Variants in IGF2R observed in about 807,000 individuals in gnomAD.
IGF2R encodes the protein insulin like growth factor 2 receptor.
IGF2R carries 91 observed loss-of-function variants against 270.6 expected under a neutral mutation model. The observed-to-expected ratio is 0.34, with a 90% CI of 0.28 to 0.40. The LOEUF (loss-of-function observed/expected upper bound fraction) is 0.40, where lower values mean the gene tolerates loss of function less well. IGF2R is among the 10% of genes least tolerant of loss of function. IGF2R has a pLI of 1.00. For synonymous variants in IGF2R, 1,316 were observed against 1,258.9 expected (o/e 1.05, Z -0.96); for missense variants, 2,805 against 3,188.3 (o/e 0.88, Z 2.90).
intron 1 of IGF2R, among the ~76,000 whole-genome samples, chr6:159,990,583 A>G (rs1344774725): frequency 6.6e-6 from 1 of 152,196 alleles, no homozygotes; most frequent in Non-Finnish European, 1.5e-5. Context: ...AGAACAGACT[A>G]ATACACTGAT....
At chr6:160,019,526 C>G (rs1391590086) in intron 4 of IGF2R, among the ~76,000 whole-genome samples, 1 of 152,058 alleles carries the variant, frequency 6.6e-6, no homozygotes, top group African/African-American at 2.4e-5. Flanking sequence ...AGAAAGAAAA[C>G]TAGAGGCCAA....
At chr6:160,064,775 T>G in intron 28 of IGF2R, 29 bp from the exon 29 acceptor site, 1 of 1,468,424 alleles carries the variant, frequency 6.8e-7, no homozygotes, top group Non-Finnish European at 9.5e-7. Context: ...CATTCTCACT[T>G]TTATATATGT....
At chr6:160,046,934 G>A (rs1274999008) in intron 15 of IGF2R, among the ~76,000 whole-genome samples, 2 of 152,198 alleles carry the variant, frequency 1.3e-5, no homozygotes, top group African/African-American at 4.8e-5. Flanking sequence ...CTGCGTAACT[G>A]CAGTTCAAAT....
rs200476713 is a variant in IGF2R at position 160,102,600 on chromosome 6, G to A, written c.6924G>A (p.Ala2308=). 12 of 1,613,714 alleles carry A rather than the reference G, an allele frequency of 7.4e-6. No individual in the cohort carries two copies. Among genetic ancestry groups the A allele is most frequent in the East Asian group, 4.5e-5 (2 of 44,868 alleles). ...CAGAACGGAGCCAGGCAGTCGGCGC[G>A]GTGCTCAGCCTGCTGCTGGTGGCGC... ...GLSERSQAVG[A]VLSLLLVALT... The change falls in exon 46 of 48, where the codon GCG becomes GCA. Residue 2308 remains alanine, a synonymous_variant. Transcript: ENST00000356956. The surrounding 1 kb of genome is among the most constrained non-coding windows in gnomAD (Gnocchi z 4.5).
intron 2 of IGF2R, among the ~76,000 whole-genome samples, chr6:160,008,274 G>T (rs572587213): frequency 5.9e-5 from 9 of 152,156 alleles, no homozygotes; most frequent in Admixed American, 2.0e-4. Context: ...TTCCAGTTCC[G>T]TTTTTATTTC....
intron 42 of IGF2R, among the ~76,000 whole-genome samples, chr6:160,088,638 C>G (rs1779147196): frequency 6.6e-6 from 1 of 152,160 alleles, no homozygotes; most frequent in Non-Finnish European, 1.5e-5. Flanking sequence ...GAACTGATTC[C>G]TTCCAGACGC....
chr6:160,009,405 G>GT (rs1322749750), intron 3 of IGF2R, among the ~76,000 whole-genome samples: 1 of 152,106 alleles, frequency 6.6e-6, no homozygotes, highest in Non-Finnish European at 1.5e-5. Context: ...ACTGTTTAAT[G>GT]TTTAAGTTAT....
chr6:160,079,969 G>A (rs1778942313), intron 38 of IGF2R, among the ~76,000 whole-genome samples, 160 bp from the exon 39 acceptor site: 1 of 152,212 alleles, frequency 6.6e-6, no homozygotes, highest in Admixed American at 6.5e-5. Flanking sequence ...GAATCACGCT[G>A]TGTTCTCTCA....
In IGF2R at chr6:160,109,624, A is replaced by G. The variant is rs1779703529; in HGVS notation, c.*4540A>G. On this transcript the variant is annotated 3_prime_UTR_variant, in exon 48 of 48. Coordinates refer to ENST00000356956, the MANE Select transcript of IGF2R (RefSeq NM_000876.4). ...CTGTTTCGGTGTTGACAGCTGTCAC[A>G]ATGATGCCCTTTTCAGTAGAGGAGC... 1 of 152,142 alleles carries G rather than the reference A, an allele frequency of 6.6e-6. No homozygotes were observed. The highest frequency in any genetic ancestry group is 2.4e-5 in the African/African-American group (1 of 41,436). 9.4% of individuals were successfully genotyped at this position (152,142 alleles called of 1,614,324 possible).
intron 23 of IGF2R, 50 bp downstream of exon 23, chr6:160,060,767 T>C (rs1489413060): frequency 1.3e-6 from 2 of 1,569,620 alleles, no homozygotes. Flanking sequence ...AGTCAGTGTG[T>C]GTGTGAGTGG....
chr6:160,010,916 A>G, intron 4 of IGF2R, 131 bp downstream of exon 4: 1 of 583,684 alleles, frequency 1.7e-6, no homozygotes, highest in South Asian at 2.4e-5. Flanking sequence ...CAGAGATACC[A>G]TGTGATTTAA....
rs781763134 is a variant in IGF2R, at chr6:160,071,928, A to C, written c.4462A>C (p.Ile1488Leu). The C allele has an allele frequency of 2.5e-6, 4 of 1,614,056 alleles. No individual in the cohort carries two copies. The African/African-American group carries it at 5.3e-5, about 22-fold the overall frequency. ...GTTGTAGAACTCCAGGCCCATGTTC[A>C]TCAGCGCCGTGGAGGACTGTGAGTA... Reference protein sequence around the residue: ...ESQVNSRPMFISAVEDCEYTF... With the variant: ...ESQVNSRPMFLSAVEDCEYTF... The change falls in exon 32 of 48, where the codon ATC becomes CTC. Residue 1488 changes from isoleucine (I) to leucine (L), a missense_variant. Around this residue, in one of 2 missense-constraint regions of IGF2R, gnomAD observed 1,851 missense variants for 2,207.2 expected, o/e 0.84. Transcript: ENST00000356956.
At chr6:160,059,646 T>C (rs1307442190) in intron 22 of IGF2R, among the ~76,000 whole-genome samples, 1 of 152,240 alleles carries the variant, frequency 6.6e-6, no homozygotes, top group Non-Finnish European at 1.5e-5. Context: ...TCGGAGGCTC[T>C]GCACTGTACC....
intron 2 of IGF2R, among the ~76,000 whole-genome samples, chr6:160,008,041 C>T (rs1304134640): frequency 2.0e-5 from 3 of 152,150 alleles, no homozygotes; most frequent in Non-Finnish European, 4.4e-5. Context: ...CTAAAATACA[C>T]TAATACTCAT....
chr6:160,049,284 C>T (rs573514952), intron 18 of IGF2R, among the ~76,000 whole-genome samples: 1 of 152,312 alleles, frequency 6.6e-6, no homozygotes, highest in Admixed American at 6.5e-5. Flanking sequence ...GATTCTGCAT[C>T]TGTGAACTTG....
chr6:160,040,659 A>T lies in IGF2R; in HGVS notation c.1415A>T (p.Asp472Val), dbSNP rs780042411. Reference protein sequence around the residue: ...TEYACVKEKEDLLCGATDGKK... With the variant: ...TEYACVKEKEVLLCGATDGKK... Reference sequence around the variant, plus strand: ...TACGCCTGTGTTAAGGAGAAGGAAGACCTCCTCTGCGGTGCCACCGACGGG... The same window carrying T: ...TACGCCTGTGTTAAGGAGAAGGAAGTCCTCCTCTGCGGTGCCACCGACGGG... The change falls in exon 11 of 48, where the codon GAC (aspartate) becomes GTC (valine). Residue 472 changes from aspartate to valine, a missense_variant. This residue lies in a region of IGF2R where 954 missense variants were observed against 981.1 expected (regional missense o/e 0.97). Coordinates refer to ENST00000356956, the MANE Select transcript of IGF2R (RefSeq NM_000876.4). 6.2e-7 allele frequency: 1 copy of T among 1,613,374 alleles called. No homozygotes were observed. Among genetic ancestry groups the T allele is most frequent in the South Asian group, 1.1e-5 (1 of 91,026 alleles).
chr6:160,049,113 T>G (rs1413762815), intron 18 of IGF2R, among the ~76,000 whole-genome samples: 10 of 152,176 alleles, frequency 6.6e-5, no homozygotes, highest in Non-Finnish European at 1.5e-4. Flanking sequence ...GAATGTACTT[T>G]TCTTGGTGTA....
intron 6 of IGF2R, among the ~76,000 whole-genome samples, chr6:160,028,583 C>T (rs1235253653): frequency 1.3e-5 from 2 of 152,336 alleles, no homozygotes; most frequent in African/African-American, 4.8e-5. Flanking sequence ...TATTCTCTAG[C>T]AGGCAGCCAG....
chr6:160,073,168 T>C (rs1778781541), intron 33 of IGF2R, 45 bp from the exon 34 acceptor site: 1 of 1,596,020 alleles, frequency 6.3e-7, no homozygotes, highest in Non-Finnish European at 8.6e-7. Context: ...AAATTGGCCA[T>C]CGAGTCTGTG....
Sources: gnomAD v4.1 joint callset for allele counts (sites outside exome capture counted in the v4.1 genomes callset) on GRCh38, gnomAD v4.1.1 for gene constraint, gnomAD v4.1.1 regional missense constraint, Gnocchi (gnomAD v3.1) non-coding constraint, MANE v1.5 for transcripts, NCBI Gene and HGNC (gene_info 2026-07-23, HGNC 2026-07-21) for gene names.